The following NUF2 variants were observed in gnomAD, a reference collection of about 807,000 sequenced individuals.
NUF2 encodes NUF2 component of NDC80 kinetochore complex, also known as kinetochore protein Nuf2.
Under a neutral mutation model 61.8 loss-of-function variants are expected in NUF2, and 34 were observed. That is an observed-to-expected ratio of 0.55 (90% CI 0.42 to 0.73). NUF2 has a LOEUF of 0.73. Among genes scored for constraint, NUF2 ranks in the 30% least tolerant of loss-of-function variants. The probability of loss-of-function intolerance (pLI) is 0.00; values close to 1 mark genes in which losing one functional copy is unlikely to be tolerated. For missense variants in NUF2, 445 were observed against 539.1 expected (o/e 0.83, Z 1.73); for synonymous variants, 172 against 181.6 (o/e 0.95, Z 0.42).
At chr1:163,336,501 A>G (rs948404067) in intron 5 of NUF2, among the ~76,000 whole-genome samples, 3 of 151,908 alleles carry the variant, frequency 2.0e-5, no homozygotes, top group African/African-American at 7.3e-5. Context: ...CTAGTTTTTT[A>G]ATATGGGAGG....
At chr1:163,337,679 G>A (rs1245812095) in intron 6 of NUF2, among the ~76,000 whole-genome samples, 1 of 152,106 alleles carries the variant, frequency 6.6e-6, no homozygotes, top group African/African-American at 2.4e-5. Flanking sequence ...TACCCAAGTT[G>A]GGTTAGATGT....
At chr1:163,336,983 T>TA in intron 6 of NUF2, 135 bp downstream of exon 6, 1 of 590,586 alleles carries the variant, frequency 1.7e-6, no homozygotes, top group East Asian at 2.9e-5. Context: ...TTTTTATATT[T>TA]ATATTAACTT....
Position 163,337,344 on chromosome 1 carries a change from A to G in NUF2, c.435+496A>G, listed in dbSNP as rs192340504. Among the ~76,000 whole-genome samples the G allele has an allele frequency of 1.1e-3, 160 of 152,144 alleles. 1 individual carries two copies. Among genetic ancestry groups the G allele is most frequent in the African/African-American group, 3.6e-3 (151 of 41,526 alleles). On this transcript the variant is annotated intron_variant, in intron 6 of 13. Transcript: ENST00000271452. ...TTTTCCTTTCATCAACAACTTAAAGAACTGGGGGAGATTATGGGTCATCTG... is the reference window on the plus strand; with the variant it reads ...TTTTCCTTTCATCAACAACTTAAAGGACTGGGGGAGATTATGGGTCATCTG...
At chr1:163,341,049 A>G (rs997926506) in intron 9 of NUF2, among the ~76,000 whole-genome samples, 1 of 152,142 alleles carries the variant, frequency 6.6e-6, no homozygotes, top group African/African-American at 2.4e-5. Context: ...TGACCAATGC[A>G]GCCAAGCTGA....
chr1:163,324,788 A>T (rs1650356068), intron 1 of NUF2, among the ~76,000 whole-genome samples: 1 of 152,210 alleles, frequency 6.6e-6, no homozygotes, highest in Admixed American at 6.5e-5. Flanking sequence ...TACTTACCGG[A>T]ATCTCACAAT....
chr1:163,350,836 A>G (rs904444812), intron 13 of NUF2, among the ~76,000 whole-genome samples: 1 of 152,144 alleles, frequency 6.6e-6, no homozygotes, highest in Non-Finnish European at 1.5e-5. Context: ...ATTGTGTTCA[A>G]TGGTATAGAG....
intron 6 of NUF2, 101 bp downstream of exon 6, chr1:163,336,949 G>C (rs928296101): frequency 1.1e-5 from 8 of 730,854 alleles, no homozygotes; most frequent in Non-Finnish European, 1.4e-5. Context: ...GCAAATTGCT[G>C]TATTGCCTTT....
chr1:163,326,753 G>A (rs183931225), intron 2 of NUF2, among the ~76,000 whole-genome samples: 5 of 152,214 alleles, frequency 3.3e-5, no homozygotes, highest in South Asian at 2.1e-4. Context: ...TGGTGTAATG[G>A]TGTAGAACTC....
intron 5 of NUF2, among the ~76,000 whole-genome samples, chr1:163,331,774 A>T (rs1033397083): frequency 7.2e-5 from 11 of 152,034 alleles, no homozygotes; most frequent in African/African-American, 2.7e-4. Flanking sequence ...ATTTGTTAAC[A>T]TAAAATTGTT....
intron 5 of NUF2, among the ~76,000 whole-genome samples, chr1:163,333,300 A>T (rs550137527): frequency 3.7e-4 from 56 of 152,218 alleles, no homozygotes; most frequent in Non-Finnish European, 1.5e-5. Flanking sequence ...GTGCCTTTGG[A>T]TTCAAAACGG....
chr1:163,345,866 T>A (rs762591808), intron 11 of NUF2, 48 bp downstream of exon 11: 8 of 1,303,966 alleles, frequency 6.1e-6, no homozygotes, highest in Admixed American at 2.4e-5. Flanking sequence ...AACAGCTTAC[T>A]ATAGTTCCTT....
In NUF2 at chr1:163,341,213, T is replaced by A. The variant is rs191171261; in HGVS notation, c.669+787T>A. Among the ~76,000 whole-genome samples, 10 of 151,926 alleles carry A rather than the reference T, an allele frequency of 6.6e-5. No homozygotes were observed. In the East Asian group the frequency reaches 1.9e-3, roughly 29 times the overall value. On this transcript the variant is annotated intron_variant, in intron 9 of 13. Coordinates refer to ENST00000271452, the MANE Select transcript of NUF2 (RefSeq NM_145697.3). ...TCTCATTTTATTTGTACTTATTTTATTTTTTAGTTTTTTTGAGACAGAGTC... is the reference window on the plus strand; with the variant it reads ...TCTCATTTTATTTGTACTTATTTTAATTTTTAGTTTTTTTGAGACAGAGTC...
chr1:163,334,515 C>T (rs1344429538), intron 5 of NUF2, among the ~76,000 whole-genome samples: 1 of 152,122 alleles, frequency 6.6e-6, no homozygotes, highest in African/African-American at 2.4e-5. Context: ...GTGACTCTCA[C>T]CTGTAATCTT....
chr1:163,340,465 A>C, intron 9 of NUF2, 39 bp downstream of exon 9: 1 of 1,478,732 alleles, frequency 6.8e-7, no homozygotes, highest in East Asian at 2.3e-5. Context: ...TAAAGTTTGA[A>C]TATATTGTGT....
At chr1:163,352,035 ACTTT>A (rs897859666) in intron 13 of NUF2, among the ~76,000 whole-genome samples, 3 of 152,096 alleles carry the variant, frequency 2.0e-5, no homozygotes, top group African/African-American at 7.2e-5. Flanking sequence ...CCTTTTCTTC[ACTTT>A]CTTTCCCTTT....
In NUF2 at chr1:163,328,237, A is replaced by T. The variant is rs2101667497; in HGVS notation, c.208A>T (p.Asn70Tyr). 1 of 1,605,150 alleles carries T rather than the reference A, an allele frequency of 6.2e-7. No individual in the cohort carries two copies. Among genetic ancestry groups the T allele is most frequent in the East Asian group, 2.2e-5 (1 of 44,592 alleles). ...RLEHFYMMPV[N>Y]SEVMYPHLME... ...GGTTTATTGCATTTAGATGCCAGTG[A>T]ACTCTGAAGTCATGTATCCACATTT... The change falls in exon 4 of 14, where the codon AAC becomes TAC. Residue 70 changes from asparagine to tyrosine, a missense_variant. By Grantham distance (143) the Asn-to-Tyr change is moderately radical. Transcript: ENST00000271452.
intron 1 of NUF2, among the ~76,000 whole-genome samples, chr1:163,322,685 T>C (rs1266488270): frequency 2.0e-5 from 3 of 152,226 alleles, no homozygotes; most frequent in Non-Finnish European, 1.5e-5. Context: ...TAGTTTATTT[T>C]AACAAAACGA....
chr1:163,323,235 G>A (rs1290638129), intron 1 of NUF2: 2 of 152,208 alleles, frequency 1.3e-5, no homozygotes, highest in Non-Finnish European at 2.9e-5. Context: ...TTACACCTAC[G>A]CTTTCTATTG....
intron 10 of NUF2, among the ~76,000 whole-genome samples, chr1:163,344,888 A>T (rs1401294243): frequency 6.6e-6 from 1 of 152,190 alleles, no homozygotes; most frequent in Non-Finnish European, 1.5e-5. Context: ...CATCTGGAAG[A>T]AAAGGGTGTT....
Sources: gnomAD v4.1 joint callset for allele counts (sites outside exome capture counted in the v4.1 genomes callset) on GRCh38, gnomAD v4.1.1 for gene constraint, MANE v1.5 for transcripts, NCBI Gene and HGNC (gene_info 2026-07-23, HGNC 2026-07-21) for gene names.